Variants in AGAP1 observed in about 807,000 individuals in gnomAD.
AGAP1 encodes the protein arf-GAP with GTPase, ANK repeat and PH domain-containing protein 1.
In AGAP1, 29 loss-of-function variants were observed where a neutral mutation model predicts 105.3. That is an observed-to-expected ratio of 0.28 (90% CI 0.21 to 0.38). The LOEUF (loss-of-function observed/expected upper bound fraction) is 0.38. AGAP1 is among the 10% of genes least tolerant of loss of function. The pLI, the probability that AGAP1 is intolerant of heterozygous loss-of-function variation, is 1.00. For missense variants in AGAP1, 998 were observed against 1,165.1 expected (o/e 0.86, Z 2.09); for synonymous variants, 509 against 485.9 (o/e 1.05, Z -0.63).
chr2:235,920,263 C>T (rs1010447225), intron 11 of AGAP1, among the ~76,000 whole-genome samples: 5 of 152,072 alleles, frequency 3.3e-5, no homozygotes, highest in South Asian at 2.1e-4. Context: ...GAGAACTTAG[C>T]GTCTGACATG....
intron 1 of AGAP1, among the ~76,000 whole-genome samples, chr2:235,644,452 A>C (rs901400305): frequency 6.6e-6 from 1 of 152,108 alleles, no homozygotes; most frequent in Admixed American, 6.5e-5. Flanking sequence ...TCTGTACCAA[A>C]ACCACAGAGG....
chr2:235,594,982 A>T (rs1945477209), intron 1 of AGAP1, among the ~76,000 whole-genome samples: 1 of 150,640 alleles, frequency 6.6e-6, no homozygotes, highest in Admixed American at 6.6e-5. Context: ...CTGGAACCAG[A>T]GCACCAGGCT....
At chr2:235,896,881 A>G (rs777775780) in intron 10 of AGAP1, among the ~76,000 whole-genome samples, 9 of 152,158 alleles carry the variant, frequency 5.9e-5, no homozygotes, top group African/African-American at 1.2e-4. Flanking sequence ...ATCAAAGTCT[A>G]TTTCTGTCTA....
intron 13 of AGAP1, among the ~76,000 whole-genome samples, chr2:235,975,582 T>C (rs2054826535): frequency 6.6e-6 from 1 of 152,198 alleles, no homozygotes; most frequent in Admixed American, 6.5e-5. Context: ...GCAATTAGTG[T>C]GCACATGACG....
At chr2:236,018,763 A>T (rs543003435) in intron 13 of AGAP1, among the ~76,000 whole-genome samples, 2 of 152,164 alleles carry the variant, frequency 1.3e-5, no homozygotes, top group Admixed American at 6.5e-5. Flanking sequence ...TAAAGTCCCA[A>T]TTCGAGCCCG....
rs756082856 is a variant in AGAP1 at position 235,793,462 on chromosome 2, G to A, written c.674-4297G>A. On this transcript the variant is annotated intron_variant, in intron 6 of 17. Transcript: ENST00000304032. The surrounding 1 kb of genome is among the most constrained non-coding windows in gnomAD (Gnocchi z 5.3). ...TGATTCGTGCTGTGGAACCAGGACA[G>A]TCTGTTGGGGTGCTGGCAGGGTGTT... 2.4e-4 allele frequency among the ~76,000 whole-genome samples: 36 copies of A among 152,372 alleles called. No individual in the cohort carries two copies. Among genetic ancestry groups the A allele is most frequent in the Non-Finnish European group, 4.7e-4 (32 of 68,042 alleles).
At chr2:235,811,057 TG>T (rs1958112475) in intron 9 of AGAP1, among the ~76,000 whole-genome samples, 1 of 152,218 alleles carries the variant, frequency 6.6e-6, no homozygotes, top group African/African-American at 2.4e-5. Context: ...TGGCAGTTAA[TG>T]AAGTACAAAT....
intron 8 of AGAP1, among the ~76,000 whole-genome samples, chr2:235,802,913 G>C (rs1235172167): frequency 2.1e-5 from 3 of 146,200 alleles, no homozygotes; most frequent in Non-Finnish European, 4.5e-5. Flanking sequence ...GTGATGGTGT[G>C]ATGGTTGTGG....
Position 235,934,417 on chromosome 2 carries a change from C to T in AGAP1, c.1483+3494C>T, listed in dbSNP as rs767389006. ...TGCGCCGAGGGTACCATCCCGGCGT[C>T]CCTCTGGTTCGCGTCATTCCCCCCT... On this transcript the variant is annotated intron_variant, in intron 12 of 17. Transcript: ENST00000304032. The surrounding 1 kb of genome is among the most constrained non-coding windows in gnomAD (Gnocchi z 4.9). Among the ~76,000 whole-genome samples, 4 of 152,202 alleles carry T rather than the reference C, an allele frequency of 2.6e-5. No homozygotes were observed. Among genetic ancestry groups the T allele is most frequent in the Non-Finnish European group, 4.4e-5 (3 of 68,038 alleles).
rs566893454 is a variant in AGAP1 at position 235,628,847 on chromosome 2, C to T, written c.164-80332C>T. Among the ~76,000 whole-genome samples the T allele has an allele frequency of 4.2e-4, 64 of 151,948 alleles. 1 individual carries two copies. Among genetic ancestry groups the T allele is most frequent in the African/African-American group, 1.3e-3 (54 of 41,470 alleles). On this transcript the variant is annotated intron_variant, in intron 1 of 17. Transcript: ENST00000304032. Reference sequence around the variant, plus strand: ...TGTTTGTTTGTTTGTTTTTTGACTCCGTTACCCAGGCTGGAGTGCAGTGCT... The same window carrying T: ...TGTTTGTTTGTTTGTTTTTTGACTCTGTTACCCAGGCTGGAGTGCAGTGCT...
At position 235,664,782 on chromosome 2, in the gene AGAP1, G is replaced by GCCT. The variant is rs1948074707; in HGVS notation, c.164-44395_164-44393dup. On this transcript the variant is annotated intron_variant, in intron 1 of 17. Transcript: ENST00000304032. The surrounding 1 kb of genome is among the most constrained non-coding windows in gnomAD (Gnocchi z 5.7). Reference sequence around the variant, plus strand: ...TTCCTCATGCATGGGTAGAACTAAAGCCTCTTCTTCTGTAATGTGGCAGTT... The same window carrying GCCT: ...TTCCTCATGCATGGGTAGAACTAAAGCCTCCTCTTCTTCTGTAATGTGGCAGTT... Among the ~76,000 whole-genome samples the GCCT allele has an allele frequency of 6.6e-6, 1 of 152,154 alleles. No individual in the cohort carries two copies. Among genetic ancestry groups the GCCT allele is most frequent in the Non-Finnish European group, 1.5e-5 (1 of 68,024 alleles).
intron 1 of AGAP1, among the ~76,000 whole-genome samples, chr2:235,702,934 G>GTTTTTTTTTTGTTTT (rs1553609551): frequency 1.1e-5 from 1 of 88,946 alleles, no homozygotes; most frequent in Admixed American, 1.5e-4. Flanking sequence ...AGTTTTCTTG[G>GTTTTTTTTTTGTTTT]TTTTTTTTTT....
Position 235,653,187 on chromosome 2 carries a change from C to T in AGAP1, c.164-55992C>T, listed in dbSNP as rs930719682. On this transcript the variant is annotated intron_variant, in intron 1 of 17. Coordinates refer to ENST00000304032, the MANE Select transcript of AGAP1 (RefSeq NM_001037131.3). Reference sequence around the variant, plus strand: ...TTGCTACTTAAGGGCACATTCCGGCCGGGCGCAGTGGCTCATGCCTGTAAT... The same window carrying T: ...TTGCTACTTAAGGGCACATTCCGGCTGGGCGCAGTGGCTCATGCCTGTAAT... Among the ~76,000 whole-genome samples the T allele has an allele frequency of 3.9e-5, 6 of 152,100 alleles. No homozygotes were observed. In the East Asian group the frequency reaches 5.8e-4, roughly 15 times the overall value.
rs1370197443 is a variant in AGAP1, at chr2:235,824,719, A to T, written c.1050+17388A>T. ...CAATAAAAATATATTCCACATGTAGATGAGATGTGCCCTTATATGAGACGG... is the reference window on the plus strand; with the variant it reads ...CAATAAAAATATATTCCACATGTAGTTGAGATGTGCCCTTATATGAGACGG... On this transcript the variant is annotated intron_variant, in intron 9 of 17. Transcript: ENST00000304032. This position sits in a 1 kb window ranked among gnomAD's most constrained non-coding sequence, Gnocchi z 5.2. Among the ~76,000 whole-genome samples, 2 of 152,146 alleles carry T rather than the reference A, an allele frequency of 1.3e-5. No homozygotes were observed. The highest frequency in any genetic ancestry group is 2.9e-5 in the Non-Finnish European group (2 of 68,036).
At chr2:235,940,521 A>G (rs2053210155) in intron 12 of AGAP1, among the ~76,000 whole-genome samples, 1 of 152,140 alleles carries the variant, frequency 6.6e-6, no homozygotes, top group African/African-American at 2.4e-5. Context: ...TGAGTCATCC[A>G]CCAGATAGTT....
chr2:235,783,310 A>G (rs530631778), intron 6 of AGAP1: 16 of 470,086 alleles, frequency 3.4e-5, no homozygotes, highest in African/African-American at 3.0e-4. Flanking sequence ...TAACATTTAC[A>G]TACCTCAGGT....
chr2:235,499,564 C>T (rs746107926), intron 1 of AGAP1, among the ~76,000 whole-genome samples: 1 of 152,126 alleles, frequency 6.6e-6, no homozygotes, highest in African/African-American at 2.4e-5. Context: ...CGTACCTTGC[C>T]GGCACCCGGG....
Position 236,055,396 on chromosome 2 carries a change from G to A in AGAP1, c.2114+6115G>A, listed in dbSNP as rs549457142. Among the ~76,000 whole-genome samples the A allele has an allele frequency of 2.0e-5, 3 of 152,352 alleles. No homozygotes were observed. In the East Asian group the frequency reaches 5.8e-4, roughly 29 times the overall value. ...AGGGAGAATTCTGTTTGTGGAGGAA[G>A]CTGCTGTGCTCTGTGAGCCTCGTCT... On this transcript the variant is annotated intron_variant, in intron 16 of 17. Coordinates refer to ENST00000304032, the MANE Select transcript of AGAP1 (RefSeq NM_001037131.3). This position sits in a 1 kb window ranked among gnomAD's most constrained non-coding sequence, Gnocchi z 6.2.
rs929053573 is a variant in AGAP1 at position 235,582,332 on chromosome 2, G to T, written c.163+87483G>T. Among the ~76,000 whole-genome samples the T allele has an allele frequency of 6.6e-6, 1 of 152,162 alleles. No individual in the cohort carries two copies. Among genetic ancestry groups the T allele is most frequent in the Non-Finnish European group, 1.5e-5 (1 of 68,028 alleles). On this transcript the variant is annotated intron_variant, in intron 1 of 17. Coordinates refer to ENST00000304032, the MANE Select transcript of AGAP1 (RefSeq NM_001037131.3). The surrounding 1 kb of genome is among the most constrained non-coding windows in gnomAD (Gnocchi z 4.7). ...GTGGCTCTTTGTGCTGGCATTTAGGGTGTCACTAAAGCCCAAGACCAGGAT... is the reference window on the plus strand; with the variant it reads ...GTGGCTCTTTGTGCTGGCATTTAGGTTGTCACTAAAGCCCAAGACCAGGAT...
Sources: allele counts gnomAD v4.1 joint callset (sites outside exome capture counted in the v4.1 genomes callset), GRCh38; gene constraint gnomAD v4.1.1; non-coding constraint Gnocchi (gnomAD v3.1); transcripts MANE v1.5; gene names NCBI Gene and HGNC (gene_info 2026-07-23, HGNC 2026-07-21).